HOGA1: variants seen among roughly 807,000 people sequenced by gnomAD.
HOGA1 encodes the protein 4-hydroxy-2-oxoglutarate aldolase, mitochondrial.
HOGA1 carries 30 observed loss-of-function variants against 34.3 expected under a neutral mutation model. That is an observed-to-expected ratio of 0.87 (90% CI 0.65 to 1.19). HOGA1 has a LOEUF of 1.19. Ranked by LOEUF, HOGA1 falls within the 50% of genes most tolerant of loss-of-function variation. The pLI, the probability that HOGA1 is intolerant of heterozygous loss-of-function variation, is 0.00. For missense variants in HOGA1, 417 were observed against 436.5 expected (o/e 0.96, Z 0.40); for synonymous variants, 161 against 174.0 (o/e 0.93, Z 0.59).
chr10:97,588,792 A>C (rs540788171), intron 1 of HOGA1, among the ~76,000 whole-genome samples: 1 of 152,368 alleles, frequency 6.6e-6, no homozygotes, highest in Non-Finnish European at 1.5e-5. Context: ...ACTCTGTTAA[A>C]GAAAATATTT....
At chr10:97,602,371 G>A (rs2041125904) in intron 6 of HOGA1, 1 of 1,195,128 alleles carries the variant, frequency 8.4e-7, no homozygotes, top group Middle Eastern at 3.8e-4. Context: ...GTGCTATCGG[G>A]GGCCAGGTCC....
At position 97,599,227 on chromosome 10, in the gene HOGA1, G is replaced by A; in HGVS notation, c.468+11G>A. Reference sequence around the variant, plus strand: ...CACCACTACACCAAGGTGTGTGTGAGGCCTGAGACCAAGAGGAGGCTCTGC... The same window carrying A: ...CACCACTACACCAAGGTGTGTGTGAAGCCTGAGACCAAGAGGAGGCTCTGC... On this transcript the variant is annotated intron_variant, in intron 3 of 6. Transcript: ENST00000370646. 6.2e-7 allele frequency: 1 copy of A among 1,613,910 alleles called. No homozygotes were observed. The highest frequency in any genetic ancestry group is 1.1e-5 in the South Asian group (1 of 91,076).
intron 6 of HOGA1, among the ~76,000 whole-genome samples, chr10:97,606,190 C>T (rs1483458485): frequency 2.0e-5 from 3 of 150,004 alleles, no homozygotes; most frequent in African/African-American, 7.3e-5. Flanking sequence ...AATCCCAGCT[C>T]CTCAGGAAGC....
rs758809758 is a variant in HOGA1, at chr10:97,603,987, T to C, written c.834+1997T>C. On this transcript the variant is annotated intron_variant, in intron 6 of 6. Coordinates refer to ENST00000370646, the MANE Select transcript of HOGA1 (RefSeq NM_138413.4). The surrounding 1 kb of genome is among the most constrained non-coding windows in gnomAD (Gnocchi z 4.5). The stretch of plus-strand genomic sequence containing the variant: ...CTTACAAAACTGTAGAATAATTTCA[T>C]AGTCTGGATATTGACCTTGATACAG... Among the ~76,000 whole-genome samples the C allele has an allele frequency of 4.6e-5, 7 of 152,246 alleles. No individual in the cohort carries two copies. In the East Asian group the frequency reaches 1.2e-3, roughly 25 times the overall value.
chr10:97,595,241 G>A (rs972585213), intron 1 of HOGA1, among the ~76,000 whole-genome samples: 1 of 152,084 alleles, frequency 6.6e-6, no homozygotes, highest in Non-Finnish European at 1.5e-5. Flanking sequence ...GGTGTACAAT[G>A]AGAGGTCATT....
chr10:97,598,853 G>A lies in HOGA1; in HGVS notation c.290G>A (p.Arg97His), dbSNP rs752252343. 32 of 1,614,002 alleles carry A rather than the reference G, an allele frequency of 2.0e-5. No homozygotes were observed. The highest frequency in any genetic ancestry group is 2.4e-5 in the Non-Finnish European group (28 of 1,180,036). ...CGCCTCGAGGTGGTGAGCCGTGTGC[G>A]CCAGGCCATGCCCAAGAACAGGCTC... ...SERLEVVSRV[R>H]QAMPKNRLLL... Residue 97 changes from arginine to histidine, a missense_variant, in exon 2 of 7, where the codon CGC (arginine) becomes CAC (histidine). Coordinates refer to ENST00000370646, the MANE Select transcript of HOGA1 (RefSeq NM_138413.4).
In HOGA1 at chr10:97,611,803, G is replaced by C; in HGVS notation, c.*144G>C. On this transcript the variant is annotated 3_prime_UTR_variant, in exon 7 of 7. Coordinates refer to ENST00000370646, the MANE Select transcript of HOGA1 (RefSeq NM_138413.4). ...TCCTTTGCCTGCTGTGGTCCTCCAG[G>C]CAGCCTTTCACAGGCACGCCCATGC... 2.0e-6 allele frequency: 2 copies of C among 1,012,826 alleles called. No homozygotes were observed. The highest frequency in any genetic ancestry group is 1.5e-6 in the Non-Finnish European group (1 of 686,136). The allele number at this position is 1,012,826 out of a possible 1,614,324, so 62.7% of individuals were successfully genotyped here. A position where few individuals can be genotyped will look rare whatever the true frequency, so the allele number is the denominator to read the frequency against.
Position 97,584,858 on chromosome 10 carries a change from T to C in HOGA1, c.155T>C (p.Val52Ala), listed in dbSNP as rs1241020419. 1.9e-6 allele frequency: 3 copies of C among 1,613,760 alleles called. No homozygotes were observed. The highest frequency in any genetic ancestry group is 1.7e-5 in the Admixed American group (1 of 59,978). The change falls in exon 1 of 7, where the codon GTG becomes GCG. Residue 52 changes from valine to alanine, a missense_variant. Transcript: ENST00000370646. ...VTTPFTATAE[V>A]DYGKLEENLH... ...ACCCCCTTCACTGCCACTGCAGAGG[T>C]GGACTATGGGAAACTGGAGGAGAAT...
intron 6 of HOGA1, among the ~76,000 whole-genome samples, chr10:97,609,591 C>T (rs2041181251): frequency 6.6e-6 from 1 of 152,128 alleles, no homozygotes; most frequent in South Asian, 2.1e-4. Flanking sequence ...TTGCCCATCC[C>T]TGGTCAAACA....
rs559013802 is a variant in HOGA1 at position 97,585,593 on chromosome 10, G to GT, written c.211+680dup. Among the ~76,000 whole-genome samples the GT allele has an allele frequency of 4.6e-4, 70 of 152,324 alleles. 1 individual carries two copies. The East Asian group carries it at 0.013, about 29-fold the overall frequency. On this transcript the variant is annotated intron_variant, in intron 1 of 6. Coordinates refer to ENST00000370646, the MANE Select transcript of HOGA1 (RefSeq NM_138413.4). ...ACAATCCCCTGAGGCAGTGCTCTCT[G>GT]TAGGACCATCCCACAGATGGGAATC...
intron 2 of HOGA1, 61 bp from the exon 3 acceptor site, chr10:97,599,028 G>T: frequency 3.7e-6 from 6 of 1,608,422 alleles, no homozygotes; most frequent in Non-Finnish European, 5.1e-6. Flanking sequence ...CCTTCGCTTG[G>T]CCCAGTGTCC....
intron 6 of HOGA1, among the ~76,000 whole-genome samples, chr10:97,604,520 C>T (rs769298847): frequency 2.6e-5 from 4 of 152,082 alleles, no homozygotes; most frequent in African/African-American, 4.8e-5. Flanking sequence ...GACAAGGTCT[C>T]GCTATGTTGC....
chr10:97,596,436 T>C (rs2041072232), intron 1 of HOGA1, among the ~76,000 whole-genome samples: 2 of 152,074 alleles, frequency 1.3e-5, no homozygotes, highest in South Asian at 4.1e-4. Context: ...GAAGATGACT[T>C]TGGTATTGGA....
intron 1 of HOGA1, among the ~76,000 whole-genome samples, chr10:97,594,609 T>C (rs975764589): frequency 6.6e-6 from 1 of 151,944 alleles, no homozygotes; most frequent in South Asian, 2.1e-4. Context: ...CGCCTCGGCG[T>C]CCCAAAGTGC....
At chr10:97,595,453 T>C (rs2041061321) in intron 1 of HOGA1, among the ~76,000 whole-genome samples, 2 of 152,226 alleles carry the variant, frequency 1.3e-5, no homozygotes, top group African/African-American at 4.8e-5. Context: ...CCCAGCACTT[T>C]GGGAGGCCAA....
intron 1 of HOGA1, chr10:97,590,683 G>C: frequency 5.9e-6 from 6 of 1,012,298 alleles, no homozygotes; most frequent in Non-Finnish European, 8.8e-6. Flanking sequence ...ATGCAGGCCA[G>C]GGTGAGATGC....
At chr10:97,601,541 G>C (rs2041116809) in intron 5 of HOGA1, among the ~76,000 whole-genome samples, 1 of 152,234 alleles carries the variant, frequency 6.6e-6, no homozygotes, top group African/African-American at 2.4e-5. Context: ...GGTGTCAACT[G>C]TCAGATGGGA....
intron 1 of HOGA1, among the ~76,000 whole-genome samples, chr10:97,587,267 C>T (rs1164802140): frequency 2.6e-5 from 4 of 152,266 alleles, no homozygotes; most frequent in South Asian, 2.1e-4. Context: ...GTAAGGGCCT[C>T]CTGCAGCCAG....
In HOGA1 at chr10:97,600,172, C is replaced by T. The variant is rs375091787; in HGVS notation, c.700+9C>T. 1.7e-4 allele frequency: 277 copies of T among 1,609,790 alleles called. No homozygotes were observed. Among genetic ancestry groups the T allele is most frequent in the Non-Finnish European group, 2.2e-4 (262 of 1,176,198 alleles). On this transcript the variant is annotated intron_variant, in intron 5 of 6. Transcript: ENST00000370646. Reference sequence around the variant, plus strand: ...GGCCAGCTATGCCTTGGGTAGGCCGCCCACTGCTCTCAAATTGTCATGGGT... The same window carrying T: ...GGCCAGCTATGCCTTGGGTAGGCCGTCCACTGCTCTCAAATTGTCATGGGT...
Sources: gnomAD v4.1 joint callset for allele counts (sites outside exome capture counted in the v4.1 genomes callset) on GRCh38, gnomAD v4.1.1 for gene constraint, Gnocchi (gnomAD v3.1) non-coding constraint, MANE v1.5 for transcripts, NCBI Gene and HGNC (gene_info 2026-07-23, HGNC 2026-07-21) for gene names.